MEMO1: variants seen among roughly 807,000 people sequenced by gnomAD.
The protein encoded by MEMO1 is mediator of cell motility 1, also known as protein MEMO1.
In MEMO1, 6 loss-of-function variants were observed where a neutral mutation model predicts 45.2. The ratio of observed to expected loss-of-function variants is 0.13; its 90% confidence interval spans 0.07 to 0.26. The LOEUF (loss-of-function observed/expected upper bound fraction) is 0.26, where lower values mean the gene tolerates loss of function less well. MEMO1 is among the 10% of genes least tolerant of loss of function. The pLI, the probability that MEMO1 is intolerant of heterozygous loss-of-function variation, is 1.00. For synonymous variants in MEMO1, 78 were observed against 124.3 expected (o/e 0.63, Z 2.48); for missense variants, 184 against 370.5 (o/e 0.50, Z 4.13).
At chr2:31,932,315 T>C (rs1159803553) in intron 3 of MEMO1, among the ~76,000 whole-genome samples, 180 bp from the exon 4 acceptor site, 1 of 152,234 alleles carries the variant, frequency 6.6e-6, no homozygotes, top group East Asian at 1.9e-4. Flanking sequence ...ACATGATCTA[T>C]ACTGTGTTCC....
rs562574664 is a variant in MEMO1 at position 31,960,547 on chromosome 2, G to A, written c.62-17164C>T. Among the ~76,000 whole-genome samples, 25 of 152,144 alleles carry A rather than the reference G, an allele frequency of 1.6e-4. 2 individuals are homozygous for A. In the South Asian group the frequency reaches 3.5e-3, roughly 21 times the overall value. On this transcript the variant is annotated intron_variant, in intron 2 of 9. Transcript: ENST00000404530. ...AATAAATTAAGATATAATAACAAAA[G>A]TTACTTTGGATAAAGTACTTCAATA...
intron 6 of MEMO1, among the ~76,000 whole-genome samples, chr2:31,917,174 C>A (rs1290434500): frequency 6.6e-6 from 1 of 152,126 alleles, no homozygotes; most frequent in Non-Finnish European, 1.5e-5. Context: ...AAGGAATCAT[C>A]TTACCATACT....
chr2:31,969,596 T>G (rs868396603), intron 2 of MEMO1, among the ~76,000 whole-genome samples: 3,925 of 139,450 alleles, frequency 0.028, 144 homozygotes, highest in African/African-American at 0.087. Context: ...GGTGTGTGTG[T>G]GTGTGTGTGT....
chr2:31,899,029 TAA>T lies in MEMO1; in HGVS notation c.438-6897_438-6896del, dbSNP rs1030044522. ...GTCTGTTTTATCAGAGACAAGGGAATAAGAGAGAACACAAACAAATGGAAAAA... is the reference window on the plus strand; with the variant it reads ...GTCTGTTTTATCAGAGACAAGGGAATGAGAGAACACAAACAAATGGAAAAA... On this transcript the variant is annotated intron_variant, in intron 6 of 9. Coordinates refer to ENST00000404530, the MANE Select transcript of MEMO1 (RefSeq NM_001301833.4). Among the ~76,000 whole-genome samples the T allele has an allele frequency of 1.9e-4, 29 of 152,012 alleles. 1 individual carries two copies. Among genetic ancestry groups the T allele is most frequent in the African/African-American group, 7.0e-4 (29 of 41,398 alleles).
intron 2 of MEMO1, among the ~76,000 whole-genome samples, chr2:31,962,182 C>T (rs903678070): frequency 6.6e-6 from 1 of 152,028 alleles, no homozygotes; most frequent in Admixed American, 6.5e-5. Flanking sequence ...TCCAGGAGGT[C>T]GAGACCAGCC....
Position 31,990,598 on chromosome 2 carries a change from C to G in MEMO1, c.61+19589G>C, listed in dbSNP as rs530368923. Among the ~76,000 whole-genome samples, 250 of 134,666 alleles carry G rather than the reference C, an allele frequency of 1.9e-3. 1 individual carries two copies. Among genetic ancestry groups the G allele is most frequent in the Non-Finnish European group, 3.3e-3 (211 of 63,926 alleles). 88.3% of individuals were successfully genotyped at this position (134,666 alleles called of 152,430 possible). A position where few individuals can be genotyped will look rare whatever the true frequency, so the allele number is the denominator to read the frequency against. ...TTTTTTTTTTTTTTTTTGGTAGAGA[C>G]AAATTTCGCCATGTTGCCCAGGCTG... On this transcript the variant is annotated intron_variant, in intron 2 of 9. Coordinates refer to ENST00000404530, the MANE Select transcript of MEMO1 (RefSeq NM_001301833.4).
At chr2:31,951,726 T>G (rs1160112431) in intron 2 of MEMO1, among the ~76,000 whole-genome samples, 1 of 152,020 alleles carries the variant, frequency 6.6e-6, no homozygotes, top group Non-Finnish European at 1.5e-5. Context: ...GAGATGAGGT[T>G]TCACCATCTT....
rs1381386287 is a variant in MEMO1, at chr2:32,000,811, T to C, written c.61+9376A>G. Among the ~76,000 whole-genome samples the C allele has an allele frequency of 1.6e-4, 24 of 151,700 alleles. 2 individuals carry two copies. In the South Asian group the frequency reaches 4.6e-3, roughly 29 times the overall value. ...ACATATTTTTTTTTTTTCCATGACATAGCCCTCAAGAGGTCCTGAGAACAT... is the reference window on the plus strand; with the variant it reads ...ACATATTTTTTTTTTTTCCATGACACAGCCCTCAAGAGGTCCTGAGAACAT... On this transcript the variant is annotated intron_variant, in intron 2 of 9. Transcript: ENST00000404530.
intron 8 of MEMO1, among the ~76,000 whole-genome samples, chr2:31,873,848 CAGT>C (rs1674154301): frequency 1.3e-5 from 2 of 152,014 alleles, no homozygotes; most frequent in South Asian, 4.2e-4. Context: ...AAAATAGTAA[CAGT>C]GAAAGTTTTA....
chr2:31,929,853 CAG>C (rs1241564181), intron 4 of MEMO1, among the ~76,000 whole-genome samples: 17 of 152,200 alleles, frequency 1.1e-4, no homozygotes, highest in African/African-American at 3.9e-4. Flanking sequence ...CTATAATTCC[CAG>C]AGAGTGCCTC....
At chr2:31,996,415 G>A (rs1198216821) in intron 2 of MEMO1, among the ~76,000 whole-genome samples, 1 of 152,038 alleles carries the variant, frequency 6.6e-6, no homozygotes, top group Non-Finnish European at 1.5e-5. Flanking sequence ...GTGTGGTGGT[G>A]CACACCCGTA....
intron 5 of MEMO1, among the ~76,000 whole-genome samples, chr2:31,918,994 C>T (rs996530221): frequency 3.3e-5 from 5 of 152,062 alleles, no homozygotes; most frequent in Non-Finnish European, 5.9e-5. Flanking sequence ...ATACTCATTT[C>T]ATTAATAAGA....
intron 2 of MEMO1, among the ~76,000 whole-genome samples, chr2:31,966,738 A>AAAAAAAAAAAT (rs1668664922): frequency 6.6e-6 from 1 of 151,640 alleles, no homozygotes; most frequent in Non-Finnish European, 1.5e-5. Context: ...GTCTCAAAAA[A>AAAAAAAAAAAT]AAAAAATGAA....
intron 2 of MEMO1, among the ~76,000 whole-genome samples, chr2:31,989,759 C>T (rs1671714847): frequency 6.6e-6 from 1 of 152,092 alleles, no homozygotes; most frequent in African/African-American, 2.4e-5. Context: ...AAAAAAGGAA[C>T]TACCGCATGT....
chr2:31,978,698 G>A (rs1670296705), intron 2 of MEMO1, among the ~76,000 whole-genome samples: 1 of 152,174 alleles, frequency 6.6e-6, no homozygotes, highest in Non-Finnish European at 1.5e-5. Context: ...GGGGCTGCAG[G>A]CTTAAGCCAC....
At chr2:31,967,406 G>T (rs1668763239) in intron 2 of MEMO1, among the ~76,000 whole-genome samples, 1 of 152,034 alleles carries the variant, frequency 6.6e-6, no homozygotes. Flanking sequence ...TTACAGGCGT[G>T]AGCCACCGCG....
At chr2:31,911,167 T>C (rs1394846556) in intron 6 of MEMO1, among the ~76,000 whole-genome samples, 1 of 151,846 alleles carries the variant, frequency 6.6e-6, no homozygotes, top group East Asian at 1.9e-4. Flanking sequence ...ATCCACAAAA[T>C]GAAACAAAAA....
chr2:31,951,952 A>T (rs1470918364), intron 2 of MEMO1, among the ~76,000 whole-genome samples: 1 of 152,178 alleles, frequency 6.6e-6, no homozygotes, highest in Non-Finnish European at 1.5e-5. Flanking sequence ...CAAAATTCAT[A>T]TCCTATTTTT....
chr2:31,977,879 A>C (rs1280352122), intron 2 of MEMO1, among the ~76,000 whole-genome samples: 1 of 152,200 alleles, frequency 6.6e-6, no homozygotes, highest in African/African-American at 2.4e-5. Flanking sequence ...ATGTAGTATG[A>C]GTTAAATTAT....
Sources: allele counts gnomAD v4.1 joint callset (sites outside exome capture counted in the v4.1 genomes callset), GRCh38; gene constraint gnomAD v4.1.1; transcripts MANE v1.5; gene names NCBI Gene and HGNC (gene_info 2026-07-23, HGNC 2026-07-21).